Variants in HECTD4 observed in about 807,000 individuals in gnomAD.
HECTD4 encodes probable E3 ubiquitin-protein ligase HECTD4.
Under a neutral mutation model 471.5 loss-of-function variants are expected in HECTD4, and 114 were observed. That is an observed-to-expected ratio of 0.24 (90% CI 0.21 to 0.28). HECTD4 has a LOEUF of 0.28. HECTD4 is among the 10% of genes least tolerant of loss of function. The pLI is 1.00. For synonymous variants in HECTD4, 2,012 were observed against 2,256.0 expected, an observed-to-expected ratio of 0.89 and a Z score of 3.07; for missense variants, 3,866 against 5,651.5, an observed-to-expected ratio of 0.68 and a Z score of 10.13.
At chr12:112,238,573 CA>C (rs2033568402) in intron 34 of HECTD4, among the ~76,000 whole-genome samples, 1 of 151,982 alleles carries the variant, frequency 6.6e-6, no homozygotes. Flanking sequence ...ACAACAACAA[CA>C]AAAAACCTTA....
intron 58 of HECTD4, 90 bp from the exon 59 acceptor site, chr12:112,192,855 A>G: frequency 7.9e-7 from 1 of 1,260,096 alleles, no homozygotes; most frequent in African/African-American, 1.5e-5. Context: ...GGGACGTTAG[A>G]TGAGAACTGG....
rs767441564 is a variant in HECTD4, at chr12:112,235,122, T to A, written c.5870A>T (p.Lys1957Met). The A allele has an allele frequency of 3.1e-6, 5 of 1,605,746 alleles. No individual in the cohort carries two copies. In the Admixed American group the frequency reaches 8.6e-5, roughly 28 times the overall value. ...TTCATGGGATGACTGGTCTTCCCGC[T>A]TGTGGATAAATATCGAGAGCTTGCC... ...VDGKLSIFIH[K>M]REDQSSHEVL... Residue 1957 changes from lysine (K) to methionine (M), a missense_variant, in exon 37 of 76, where the codon AAG becomes ATG. Coordinates refer to ENST00000682272, the MANE Select transcript of HECTD4 (RefSeq NM_001388303.1). This position sits in a 1 kb window ranked among gnomAD's most constrained non-coding sequence, Gnocchi z 5.0.
intron 7 of HECTD4, among the ~76,000 whole-genome samples, chr12:112,305,521 T>C (rs1020369582): frequency 6.6e-6 from 1 of 152,212 alleles, no homozygotes; most frequent in Non-Finnish European, 1.5e-5. Flanking sequence ...CACTTGTTTA[T>C]GGTTAATCTT....
chr12:112,167,618 AC>A (rs748561143), intron 71 of HECTD4, 80 bp from the exon 72 acceptor site: 92 of 1,210,202 alleles, frequency 7.6e-5, no homozygotes, highest in Admixed American at 4.3e-4. Context: ...AAGCCACCAT[AC>A]CCTGTGGCAG....
Position 112,270,425 on chromosome 12 carries a change from T to C in HECTD4, c.1977A>G (p.Gln659=), listed in dbSNP as rs765065649. 13 of 1,614,020 alleles carry C rather than the reference T, an allele frequency of 8.1e-6. No individual in the cohort carries two copies. The highest frequency in any genetic ancestry group is 1.6e-4 in the Middle Eastern group (1 of 6,062). Reference sequence around the variant, plus strand: ...ACATCGCACCAACGTGGTGCAATAATTGGTTTATAACCTCATTCGTGGTTA... The same window carrying C: ...ACATCGCACCAACGTGGTGCAATAACTGGTTTATAACCTCATTCGTGGTTA... ...EAITTNEVIN[Q]LLHHVGAMCI... The change falls in exon 12 of 76, where the codon CAA becomes CAG. Residue 659 remains glutamine (Q), a synonymous_variant. Coordinates refer to ENST00000682272, the MANE Select transcript of HECTD4 (RefSeq NM_001388303.1).
At chr12:112,238,981 TA>T (rs1410513662) in intron 34 of HECTD4, 70 bp downstream of exon 34, 4 of 1,432,796 alleles carry the variant, frequency 2.8e-6, no homozygotes, top group South Asian at 1.4e-5. Flanking sequence ...TCATTTAGCA[TA>T]AAAAAACCAA....
At chr12:112,332,364 C>T (rs1169529290) in intron 1 of HECTD4, among the ~76,000 whole-genome samples, 1 of 151,808 alleles carries the variant, frequency 6.6e-6, no homozygotes, top group Non-Finnish European at 1.5e-5. Flanking sequence ...TGGTGAAACC[C>T]CATCTCTACT....
chr12:112,325,607 C>T (rs367552203), intron 1 of HECTD4, among the ~76,000 whole-genome samples: 6 of 152,234 alleles, frequency 3.9e-5, no homozygotes, highest in African/African-American at 1.4e-4. Context: ...ACCAAAATGT[C>T]ATTAGAAATT....
intron 1 of HECTD4, among the ~76,000 whole-genome samples, chr12:112,339,973 C>G (rs994017870): frequency 6.6e-6 from 1 of 151,386 alleles, no homozygotes; most frequent in Non-Finnish European, 1.5e-5. Flanking sequence ...CGTTTGAACC[C>G]GGGAGGCAAT....
intron 1 of HECTD4, among the ~76,000 whole-genome samples, chr12:112,339,125 G>A (rs562385388): frequency 5.3e-5 from 8 of 151,990 alleles, no homozygotes; most frequent in East Asian, 3.9e-4. Flanking sequence ...CACATGACAC[G>A]AACAAGAATA....
intron 11 of HECTD4, 82 bp downstream of exon 11, chr12:112,273,573 A>G: frequency 6.7e-6 from 9 of 1,334,376 alleles, no homozygotes; most frequent in Non-Finnish European, 9.5e-6. Flanking sequence ...GGGTTGGGCT[A>G]TGTTTTCACC....
intron 7 of HECTD4, among the ~76,000 whole-genome samples, chr12:112,290,867 A>AAAAAAAAAAAAAC (rs1566100751): frequency 2.0e-5 from 3 of 147,184 alleles, no homozygotes; most frequent in East Asian, 4.0e-4. Context: ...ACAAAACAAA[A>AAAAAAAAAAAAAC]AAAAAAAACA....
intron 71 of HECTD4, 126 bp downstream of exon 71, chr12:112,167,688 G>T: frequency 9.5e-7 from 1 of 1,052,486 alleles, no homozygotes; most frequent in Non-Finnish European, 1.4e-6. Context: ...GCAAGGACCT[G>T]TCCCCACAGA....
rs183434495 is a variant in HECTD4 at position 112,361,458 on chromosome 12, G to A, written c.177+20494C>T. ...CTAATTTTCTAATTTTATTTTTGTA[G>A]AGATAGGGTCTCACTACATTGCCCA... On this transcript the variant is annotated intron_variant, in intron 1 of 75. Transcript: ENST00000682272. Among the ~76,000 whole-genome samples, 19 of 151,646 alleles carry A rather than the reference G, an allele frequency of 1.3e-4. No homozygotes were observed. In the South Asian group the frequency reaches 1.7e-3, roughly 13 times the overall value.
chr12:112,224,603 A>G (rs1235933050), intron 44 of HECTD4, among the ~76,000 whole-genome samples: 1 of 152,182 alleles, frequency 6.6e-6, no homozygotes, highest in East Asian at 1.9e-4. Flanking sequence ...ACTATTTAGA[A>G]TACAAATCAA....
chr12:112,324,508 C>T lies in HECTD4; in HGVS notation c.178-4766G>A, dbSNP rs548223353. 2.0e-5 allele frequency among the ~76,000 whole-genome samples: 3 copies of T among 152,130 alleles called. No individual in the cohort carries two copies. The South Asian group carries it at 6.2e-4, about 32-fold the overall frequency. On this transcript the variant is annotated intron_variant, in intron 1 of 75. Transcript: ENST00000682272. ...TCAAGTAATATAAAACTGTATTTCC[C>T]TACCCTTTTATTTAGATTCACCAAA...
At chr12:112,172,595 C>A (rs2137009157) in intron 67 of HECTD4, 76 bp downstream of exon 67, 8 of 1,404,236 alleles carry the variant, frequency 5.7e-6, no homozygotes, top group Non-Finnish European at 8.0e-6. Context: ...ATGAATCTAG[C>A]CCTTGTAAAT....
chr12:112,302,476 C>T, intron 7 of HECTD4: 1 of 744,656 alleles, frequency 1.3e-6, no homozygotes, highest in Non-Finnish European at 2.5e-6. Context: ...TGGCTCTCTG[C>T]TGCTGCAACC....
Position 112,163,516 on chromosome 12 carries a change from G to T in HECTD4, c.12897+26C>A. ...CACGCCTGGGGCTCACCACCTCCCC[G>T]CCCAGCCTGGCCCTGGGATGTCTAC... On this transcript the variant is annotated intron_variant, in intron 74 of 75. Coordinates refer to ENST00000682272, the MANE Select transcript of HECTD4 (RefSeq NM_001388303.1). This position sits in a 1 kb window ranked among gnomAD's most constrained non-coding sequence, Gnocchi z 8.2. The T allele has an allele frequency of 2.1e-6, 3 of 1,447,092 alleles. No individual in the cohort carries two copies. Among genetic ancestry groups the T allele is most frequent in the Non-Finnish European group, 2.7e-6 (3 of 1,095,676 alleles). 89.6% of individuals were successfully genotyped at this position (1,447,092 alleles called of 1,614,324 possible).
Sources: gnomAD v4.1 joint callset for allele counts (sites outside exome capture counted in the v4.1 genomes callset) on GRCh38, gnomAD v4.1.1 for gene constraint, Gnocchi (gnomAD v3.1) non-coding constraint, MANE v1.5 for transcripts, NCBI Gene and HGNC (gene_info 2026-07-23, HGNC 2026-07-21) for gene names.